SKIC3: variants seen among roughly 807,000 people sequenced by gnomAD.
The protein encoded by SKIC3 is SKI3 subunit of superkiller complex.
At chr5:95,498,216 T>A in the SKIC3 span, among the ~76,000 whole-genome samples, 3 of 152,156 alleles carry the variant, frequency 2.0e-5, no homozygotes, top group Admixed American at 2.0e-4. Context: ...ATATATACAG[T>A]CAGTTACCTG....
chr5:95,504,006 A>G, the SKIC3 span: 1 of 1,539,898 alleles, frequency 6.5e-7, no homozygotes, highest in Non-Finnish European at 8.8e-7. Context: ...CAAAATACTG[A>G]GATATAATTA....
At chr5:95,517,131 A>G in the SKIC3 span, 1 of 1,613,450 alleles carries the variant, frequency 6.2e-7, no homozygotes, top group Middle Eastern at 1.7e-4. Context: ...TTAACTGGCA[A>G]TCTTTGCAAA....
the SKIC3 span, among the ~76,000 whole-genome samples, chr5:95,510,436 A>C: frequency 1.3e-5 from 2 of 152,228 alleles, no homozygotes; most frequent in African/African-American, 4.8e-5. Flanking sequence ...TCAAAAGATT[A>C]ATTATGGTTT....
chr5:95,524,997 C>A, the SKIC3 span, among the ~76,000 whole-genome samples: 1 of 152,122 alleles, frequency 6.6e-6, no homozygotes, highest in African/African-American at 2.4e-5. Context: ...AATTCTCGTG[C>A]CTCAGCCTCC....
chr5:95,506,933 C>G, the SKIC3 span: 1 of 1,613,234 alleles, frequency 6.2e-7, no homozygotes, highest in Non-Finnish European at 8.5e-7. Flanking sequence ...AATACGCTTA[C>G]CATAACAATC....
the SKIC3 span, chr5:95,517,320 G>C: frequency 1.2e-6 from 2 of 1,612,162 alleles, no homozygotes; most frequent in Admixed American, 3.4e-5. Context: ...ATGCTGTAGA[G>C]CACTAAAAAA....
At chr5:95,523,433 A>C in the SKIC3 span, 1 of 1,299,188 alleles carries the variant, frequency 7.7e-7, no homozygotes, top group Admixed American at 1.9e-5. Flanking sequence ...CTGATTTTTT[A>C]AACTTACACT....
At chr5:95,540,446 T>C in the SKIC3 span, among the ~76,000 whole-genome samples, 2 of 149,818 alleles carry the variant, frequency 1.3e-5, no homozygotes, top group African/African-American at 4.9e-5. Context: ...CAAAAACTTA[T>C]GAAAATTAAA....
At chr5:95,541,715 C>T in the SKIC3 span, 1 of 853,308 alleles carries the variant, frequency 1.2e-6, no homozygotes, top group Non-Finnish European at 1.8e-6. Context: ...AAAAGCTTCG[C>T]AATTCCCAGT....
the SKIC3 span, among the ~76,000 whole-genome samples, chr5:95,525,947 T>C: frequency 6.6e-6 from 1 of 152,166 alleles, no homozygotes; most frequent in East Asian, 1.9e-4. Flanking sequence ...AGCAATCATT[T>C]TTTTCATCTA....
At chr5:95,490,489 C>CATATAT in the SKIC3 span, among the ~76,000 whole-genome samples, 6 of 138,538 alleles carry the variant, frequency 4.3e-5, no homozygotes, top group African/African-American at 1.4e-4. Flanking sequence ...TAAAAATATA[C>CATATAT]ATATATATAT....
the SKIC3 span, among the ~76,000 whole-genome samples, chr5:95,538,837 G>T: frequency 6.6e-6 from 1 of 152,102 alleles, no homozygotes; most frequent in Non-Finnish European, 1.5e-5. Flanking sequence ...CAGTGGAATT[G>T]TTAAACCTCA....
chr5:95,481,742 C>T, the SKIC3 span, among the ~76,000 whole-genome samples: 40 of 152,028 alleles, frequency 2.6e-4, no homozygotes, highest in African/African-American at 9.4e-4. Context: ...GCTTAGTTTT[C>T]ATAATCCAGT....
the SKIC3 span, among the ~76,000 whole-genome samples, chr5:95,549,770 G>T: frequency 1.3e-5 from 2 of 151,396 alleles, no homozygotes; most frequent in African/African-American, 4.9e-5. Context: ...TATTTTTGAG[G>T]GGAAAGGGAA....
At chr5:95,483,826 T>C in the SKIC3 span, among the ~76,000 whole-genome samples, 1 of 152,180 alleles carries the variant, frequency 6.6e-6, no homozygotes, top group Non-Finnish European at 1.5e-5. Context: ...TCACAGAGCC[T>C]GCAAGCATAG....
At chr5:95,464,861 G>A in the SKIC3 span, among the ~76,000 whole-genome samples, 8 of 150,740 alleles carry the variant, frequency 5.3e-5, no homozygotes, top group Admixed American at 4.0e-4. Flanking sequence ...TTGTTTAAAC[G>A]AAGCTAACAT....
chr5:95,550,865 G>T, the SKIC3 span: 2 of 151,892 alleles, frequency 1.3e-5, no homozygotes, highest in Non-Finnish European at 2.9e-5. Context: ...ATATTCCTGG[G>T]CCTCAGATGA....
At chr5:95,474,227 A>C in the SKIC3 span, among the ~76,000 whole-genome samples, 38 of 152,138 alleles carry the variant, frequency 2.5e-4, no homozygotes, top group Admixed American at 2.5e-3. Flanking sequence ...GTAGGTGTAC[A>C]GCTTTATTTC....
the SKIC3 span, chr5:95,546,962 T>C: frequency 8.0e-7 from 1 of 1,247,166 alleles, no homozygotes; most frequent in Non-Finnish European, 1.2e-6. Context: ...GCCTTACCAC[T>C]TTTGCTGTTT....
Sources: allele counts gnomAD v4.1 joint callset (sites outside exome capture counted in the v4.1 genomes callset), GRCh38; gene constraint gnomAD v4.1.1; transcripts MANE v1.5; gene names NCBI Gene and HGNC (gene_info 2026-07-23, HGNC 2026-07-21).